Variants in STX2 observed in about 807,000 individuals in gnomAD.
STX2 encodes the protein syntaxin-2.
Under a neutral mutation model 40.6 loss-of-function variants are expected in STX2, and 27 were observed. That is an observed-to-expected ratio of 0.66 (90% confidence interval 0.49 to 0.92). The LOEUF (loss-of-function observed/expected upper bound fraction) is 0.92, where lower values mean the gene tolerates loss of function less well. Ranked by LOEUF, STX2 falls within the 40% of genes least tolerant of loss-of-function variation. STX2 has a pLI of 0.00. For missense variants in STX2, 328 were observed against 366.1 expected, an observed-to-expected ratio of 0.90 and a Z score of 0.85; for synonymous variants, 123 against 119.1, an observed-to-expected ratio of 1.03 and a Z score of -0.22.
intron 6 of STX2, among the ~76,000 whole-genome samples, chr12:130,804,683 C>CT (rs1293332964): frequency 3.3e-5 from 5 of 152,130 alleles, no homozygotes; most frequent in Admixed American, 1.3e-4. Context: ...GGCGTCTCAG[C>CT]TCGCTCAGCC....
intron 3 of STX2, among the ~76,000 whole-genome samples, chr12:130,818,183 AAAATATATATAT>A (rs1469626573): frequency 2.0e-4 from 4 of 20,334 alleles, no homozygotes; most frequent in Admixed American, 7.2e-4. Flanking sequence ...AAAAAAAAAA[AAAATATATATAT>A]ATATATATAT....
At chr12:130,830,035 A>G (rs1207700397) in intron 1 of STX2, among the ~76,000 whole-genome samples, 1 of 152,228 alleles carries the variant, frequency 6.6e-6, no homozygotes, top group Non-Finnish European at 1.5e-5. Context: ...AACTGTAAAC[A>G]TATACAAAAG....
At chr12:130,836,589 A>G (rs1952762926) in intron 1 of STX2, among the ~76,000 whole-genome samples, 1 of 152,128 alleles carries the variant, frequency 6.6e-6, no homozygotes, top group African/African-American at 2.4e-5. Context: ...GCTGCTTTTT[A>G]TAACTCCCTA....
chr12:130,821,570 C>G (rs1565928204), intron 3 of STX2, 119 bp downstream of exon 3: 1 of 808,056 alleles, frequency 1.2e-6, no homozygotes, highest in East Asian at 2.5e-5. Context: ...TCTAGGGTGT[C>G]AGCATTTCAT....
rs1276398036 is a variant in STX2, at chr12:130,798,632, C to A, written c.679G>T (p.Glu227Ter). Residue 227 changes from glutamate (E) to a stop codon, truncating the protein, a stop_gained, in exon 9 of 11, where the codon GAA becomes TAA. Transcript: ENST00000392373. LOFTEE classifies it high-confidence loss of function. ...DMAMFVETQG[E>*]MINNIERNVM... ...TTTCTTTCTATGTTGTTGATCATTT[C>A]ACCCTTAAAACAAAAAGTTTCAAAC... 2 of 1,585,556 alleles carry A rather than the reference C, an allele frequency of 1.3e-6. No individual in the cohort carries two copies. The highest frequency in any genetic ancestry group is 1.2e-5 in the South Asian group (1 of 85,424).
intron 4 of STX2, among the ~76,000 whole-genome samples, chr12:130,809,825 T>C (rs1951581302): frequency 6.6e-6 from 1 of 152,048 alleles, no homozygotes; most frequent in Non-Finnish European, 1.5e-5. Flanking sequence ...CTCAAAAAAA[T>C]AAACACACAG....
In STX2 at chr12:130,827,325, G is replaced by A. The variant is rs1433502514; in HGVS notation, c.31-58C>T. The stretch of plus-strand genomic sequence containing the variant: ...AAATTTTTATGTAGGCACAAATAGC[G>A]AACTGAAATACAAAAACAGTTCAAT... On this transcript the variant is annotated intron_variant, in intron 1 of 10. Transcript: ENST00000392373. The A allele has an allele frequency of 2.9e-5, 40 of 1,372,226 alleles. 1 individual carries two copies. The highest frequency in any genetic ancestry group is 2.6e-4 in the South Asian group (22 of 85,550). 85.0% of individuals were successfully genotyped at this position (1,372,226 alleles called of 1,614,324 possible).
chr12:130,801,256 A>C lies in STX2; in HGVS notation c.572T>G (p.Leu191Arg). The C allele has an allele frequency of 6.2e-7, 1 of 1,613,698 alleles. No homozygotes were observed. The change falls in exon 8 of 11, where the codon CTC becomes CGC. Residue 191 changes from leucine to arginine, a missense_variant. By Grantham distance (102) the Leu-to-Arg change is moderately radical (BLOSUM62 -2). Transcript: ENST00000392373. ...ISDSQITRQA[L>R]NEIESRHKDI... ...CTTGTGACGTGACTCGATTTCATTG[A>C]GAGCTTGTCTAGTAATTTGTGAATC...
intron 1 of STX2, 87 bp downstream of exon 1, chr12:130,838,983 G>C: frequency 9.2e-7 from 1 of 1,092,054 alleles, no homozygotes; most frequent in Non-Finnish European, 1.2e-6. Flanking sequence ...CCCTCCCGGA[G>C]CCCCGCCCAA....
At position 130,791,125 on chromosome 12, in the gene STX2, A is replaced by C. The variant is rs1950865169; in HGVS notation, c.*898T>G. ...TAGATATCTTACAAAAACGTGATAAAAATTATTTCTTCAAACAGGCAATAA... is the reference window on the plus strand; with the variant it reads ...TAGATATCTTACAAAAACGTGATAACAATTATTTCTTCAAACAGGCAATAA... On this transcript the variant is annotated 3_prime_UTR_variant, in exon 11 of 11. Coordinates refer to ENST00000392373, the MANE Select transcript of STX2 (RefSeq NM_194356.4). 1 of 152,214 alleles carries C rather than the reference A, an allele frequency of 6.6e-6. No individual in the cohort carries two copies. The highest frequency in any genetic ancestry group is 1.5e-5 in the Non-Finnish European group (1 of 68,034). The allele number at this position is 152,214 out of a possible 1,614,324, so 9.4% of individuals were successfully genotyped here.
intron 10 of STX2, among the ~76,000 whole-genome samples, chr12:130,794,063 A>G (rs1047957044): frequency 9.9e-5 from 15 of 152,188 alleles, no homozygotes; most frequent in African/African-American, 4.8e-5. Flanking sequence ...AGTAGTGCCC[A>G]TGAAAAGTCG....
chr12:130,793,141 T>C (rs1391957348), intron 10 of STX2, among the ~76,000 whole-genome samples: 1 of 152,198 alleles, frequency 6.6e-6, no homozygotes, highest in Non-Finnish European at 1.5e-5. Flanking sequence ...CAGTCAGTTA[T>C]ACAGGGTTAT....
intron 2 of STX2, among the ~76,000 whole-genome samples, chr12:130,826,417 T>C (rs2895140): frequency 0.99 from 150,011 of 152,262 alleles, 73,925 homozygotes; most frequent in East Asian, 1. Flanking sequence ...AAGGAGGCGG[T>C]GCTCCTGCAG....
At chr12:130,833,712 A>C (rs1052724987) in intron 1 of STX2, among the ~76,000 whole-genome samples, 4 of 151,968 alleles carry the variant, frequency 2.6e-5, no homozygotes, top group African/African-American at 9.7e-5. Context: ...CACCCAGCCC[A>C]TTCTGCCTTT....
At chr12:130,830,469 G>C (rs2004157) in intron 1 of STX2, among the ~76,000 whole-genome samples, 6 of 152,102 alleles carry the variant, frequency 3.9e-5, no homozygotes, top group Non-Finnish European at 8.8e-5. Context: ...CGGCACGGGC[G>C]GATTTTTGTT....
At chr12:130,802,594 C>T (rs543618659) in intron 6 of STX2, among the ~76,000 whole-genome samples, 3 of 152,286 alleles carry the variant, frequency 2.0e-5, no homozygotes, top group Non-Finnish European at 2.9e-5. Flanking sequence ...ACCTCCTAGG[C>T]TCAAGCAATC....
intron 2 of STX2, among the ~76,000 whole-genome samples, chr12:130,824,902 G>A (rs1011514519): frequency 3.3e-5 from 5 of 152,196 alleles, no homozygotes; most frequent in East Asian, 1.9e-4. Context: ...GGCAAGCACC[G>A]GGCAAGCCTT....
chr12:130,838,751 C>G (rs1030894681), intron 1 of STX2, among the ~76,000 whole-genome samples: 2 of 152,116 alleles, frequency 1.3e-5, no homozygotes, highest in Admixed American at 1.3e-4. Flanking sequence ...GAGCCACGCT[C>G]GAAGAGGGGG....
chr12:130,797,558 C>T (rs1393174923), intron 9 of STX2, among the ~76,000 whole-genome samples: 1 of 152,154 alleles, frequency 6.6e-6, no homozygotes, highest in African/African-American at 2.4e-5. Flanking sequence ...TCAGGGCCAT[C>T]GCCTGGAGGT....
Sources: gnomAD v4.1 joint callset for allele counts (sites outside exome capture counted in the v4.1 genomes callset) on GRCh38, gnomAD v4.1.1 for gene constraint, MANE v1.5 for transcripts, NCBI Gene and HGNC (gene_info 2026-07-23, HGNC 2026-07-21) for gene names.